DNAAF9: variants seen among roughly 807,000 people sequenced by gnomAD.
DNAAF9 encodes the protein shulin.
DNAAF9 carries 90 observed loss-of-function variants against 167.0 expected under a neutral mutation model. The observed-to-expected ratio is 0.54, with a 90% CI of 0.45 to 0.64. DNAAF9 has a LOEUF of 0.64. Among genes scored for constraint, DNAAF9 ranks in the 30% least tolerant of loss-of-function variants. The pLI, the probability that DNAAF9 is intolerant of heterozygous loss-of-function variation, is 0.00. For missense variants in DNAAF9, 1,315 were observed against 1,442.2 expected (o/e 0.91, Z 1.43); for synonymous variants, 491 against 508.8 (o/e 0.96, Z 0.47).
intron 10 of DNAAF9, among the ~76,000 whole-genome samples, chr20:3,333,183 T>C (rs1398846120): frequency 6.6e-6 from 1 of 152,198 alleles, no homozygotes; most frequent in African/African-American, 2.4e-5. Flanking sequence ...ATTTCATCTC[T>C]GTACATAGAC....
chr20:3,255,300 G>C lies in DNAAF9; in HGVS notation c.3262-16C>G. Reference sequence around the variant, plus strand: ...TCTGAGGCTTCTGCAGAGATGGGGAGTGGAGGGTCAGGTCCCAGCAGAACT... The same window carrying C: ...TCTGAGGCTTCTGCAGAGATGGGGACTGGAGGGTCAGGTCCCAGCAGAACT... On this transcript the variant is annotated splice_polypyrimidine_tract_variant and intron_variant, in intron 34 of 36. Transcript: ENST00000252032. The C allele has an allele frequency of 2.0e-6, 3 of 1,528,878 alleles. No homozygotes were observed. In the East Asian group the frequency reaches 7.4e-5, roughly 38 times the overall value. 94.7% of individuals were successfully genotyped at this position (1,528,878 alleles called of 1,614,324 possible).
In DNAAF9 at chr20:3,262,482, CTCA is replaced by C. The variant is rs201896513; in HGVS notation, c.2873+1953_2873+1955del. ...GCCAGGCTGATCTCGAACTCCTGAC[CTCA>C]TGGTCCACCTGCCTTGGCCTCCCAA... On this transcript the variant is annotated intron_variant, in intron 31 of 36. Transcript: ENST00000252032. Among the ~76,000 whole-genome samples, 1,369 of 152,230 alleles carry C rather than the reference CTCA, an allele frequency of 9.0e-3. 20 individuals carry two copies. Among genetic ancestry groups the C allele is most frequent in the African/African-American group, 0.032 (1,315 of 41,532 alleles).
intron 8 of DNAAF9, among the ~76,000 whole-genome samples, chr20:3,345,130 T>C (rs1161654851): frequency 2.0e-5 from 3 of 152,180 alleles, no homozygotes; most frequent in Admixed American, 2.0e-4. Flanking sequence ...GCAATTCTCC[T>C]GCCTTAGCCT....
At chr20:3,376,829 C>T (rs2083581931) in intron 3 of DNAAF9, among the ~76,000 whole-genome samples, 1 of 152,190 alleles carries the variant, frequency 6.6e-6, no homozygotes, top group Admixed American at 6.5e-5. Flanking sequence ...CTTTGGGAGG[C>T]TGAGGCGGAT....
In DNAAF9 at chr20:3,396,764, GA is replaced by G. The variant is rs920872156; in HGVS notation, c.83+10710del. Among the ~76,000 whole-genome samples the G allele has an allele frequency of 4.0e-5, 6 of 149,030 alleles. No homozygotes were observed. The South Asian group carries it at 8.5e-4, about 21-fold the overall frequency. ...GAAGAGAGTTGCAGGAGATGAAGAG[GA>G]AAAAAAAAACTATGTGTGTAGGGGG... On this transcript the variant is annotated intron_variant, in intron 1 of 36. Transcript: ENST00000252032.
intron 17 of DNAAF9, among the ~76,000 whole-genome samples, chr20:3,317,847 T>G (rs1381144733): frequency 6.6e-6 from 1 of 152,136 alleles, no homozygotes; most frequent in Non-Finnish European, 1.5e-5. Flanking sequence ...TTCGCCCACC[T>G]TGGGCTCCCA....
At position 3,340,738 on chromosome 20, in the gene DNAAF9, T is replaced by C. The variant is rs779567446; in HGVS notation, c.846-99A>G. 8.8e-6 allele frequency: 10 copies of C among 1,132,760 alleles called. No homozygotes were observed. The South Asian group carries it at 9.0e-5, about 10-fold the overall frequency. The allele number at this position is 1,132,760 out of a possible 1,614,324, so 70.2% of individuals were successfully genotyped here. The stretch of plus-strand genomic sequence containing the variant: ...GTCCTCAGGCTTTTCTGAGGGACAC[T>C]TGCGGCCTGAGCAAAGTGGTCAGTC... On this transcript the variant is annotated intron_variant, in intron 9 of 36. Coordinates refer to ENST00000252032, the MANE Select transcript of DNAAF9 (RefSeq NM_001009984.3).
In DNAAF9 at chr20:3,369,408, G is replaced by A. The variant is rs376473921; in HGVS notation, c.612+4640C>T. 2.8e-3 allele frequency among the ~76,000 whole-genome samples: 419 copies of A among 148,166 alleles called. 1 individual carries two copies. The highest frequency in any genetic ancestry group is 9.6e-3 in the African/African-American group (385 of 39,928). ...TTTTTTTTTTTTCAGATGGAGTCTC[G>A]CTCTTTCGCCCAGGCTGGAGTGTAG... On this transcript the variant is annotated intron_variant, in intron 6 of 36. Coordinates refer to ENST00000252032, the MANE Select transcript of DNAAF9 (RefSeq NM_001009984.3).
At chr20:3,340,388 G>A (rs2123110411) in intron 10 of DNAAF9, 116 bp downstream of exon 10, 1 of 813,950 alleles carries the variant, frequency 1.2e-6, no homozygotes, top group Non-Finnish European at 1.9e-6. Flanking sequence ...TTCAAATTCA[G>A]GGTTAAATCA....
At chr20:3,394,115 A>T (rs1600920447) in intron 1 of DNAAF9, among the ~76,000 whole-genome samples, 1 of 152,128 alleles carries the variant, frequency 6.6e-6, no homozygotes, top group Non-Finnish European at 1.5e-5. Context: ...AGGCAGGTGG[A>T]TCATCTGAGA....
chr20:3,265,504 G>A (rs1035426387), intron 30 of DNAAF9, among the ~76,000 whole-genome samples: 38 of 147,098 alleles, frequency 2.6e-4, no homozygotes, highest in Non-Finnish European at 2.8e-4. Flanking sequence ...GAGGTGGAGA[G>A]GTGGAGGTTG....
Position 3,277,664 on chromosome 20 carries a change from C to T in DNAAF9, c.2650+1248G>A, listed in dbSNP as rs6107269. On this transcript the variant is annotated intron_variant, in intron 29 of 36. Coordinates refer to ENST00000252032, the MANE Select transcript of DNAAF9 (RefSeq NM_001009984.3). ...TGTCACCAGATCCTATTGACCCAAC[C>T]TCCACAAAATCTCCTTAATCTACCT... 8.4e-3 allele frequency among the ~76,000 whole-genome samples: 1,279 copies of T among 152,128 alleles called. 22 individuals are homozygous for T. The highest frequency in any genetic ancestry group is 0.029 in the African/African-American group (1,206 of 41,506).
chr20:3,375,166 A>C (rs1287268606), intron 4 of DNAAF9, 40 bp from the exon 5 acceptor site: 2 of 1,171,366 alleles, frequency 1.7e-6, no homozygotes, highest in African/African-American at 3.0e-5. Context: ...CTCTGATGAG[A>C]TATCACACAA....
At chr20:3,301,609 T>A (rs1413242756) in intron 21 of DNAAF9, among the ~76,000 whole-genome samples, 1 of 152,238 alleles carries the variant, frequency 6.6e-6, no homozygotes, top group Non-Finnish European at 1.5e-5. Flanking sequence ...CAGCTTGACA[T>A]GAGCTATTCC....
chr20:3,380,735 C>T (rs1216413796), intron 3 of DNAAF9, among the ~76,000 whole-genome samples: 1 of 152,202 alleles, frequency 6.6e-6, no homozygotes, highest in African/African-American at 2.4e-5. Flanking sequence ...TTTGTCTATT[C>T]CAGTGTCTCC....
chr20:3,350,400 CA>C (rs61181387), intron 7 of DNAAF9, among the ~76,000 whole-genome samples: 82 of 148,194 alleles, frequency 5.5e-4, no homozygotes, highest in African/African-American at 8.7e-4. Context: ...TAGGATAAAA[CA>C]AAAAAAAATG....
intron 8 of DNAAF9, among the ~76,000 whole-genome samples, chr20:3,346,740 A>G (rs2070201086): frequency 6.6e-6 from 1 of 152,152 alleles, no homozygotes; most frequent in Non-Finnish European, 1.5e-5. Flanking sequence ...GAAGAAGGCA[A>G]TAAGAAAAGA....
chr20:3,314,908 G>GA (rs2069476175), intron 20 of DNAAF9, 125 bp downstream of exon 20: 3 of 653,298 alleles, frequency 4.6e-6, no homozygotes, highest in Non-Finnish European at 8.3e-6. Context: ...AAAGCTGTAG[G>GA]AAAACATTTC....
intron 20 of DNAAF9, among the ~76,000 whole-genome samples, 193 bp from the exon 21 acceptor site, chr20:3,304,736 T>A (rs1440636267): frequency 1.3e-5 from 2 of 152,170 alleles, no homozygotes; most frequent in African/African-American, 2.4e-5. Context: ...AAATGAGGCA[T>A]CAGATGCAGT....
Sources: allele counts gnomAD v4.1 joint callset (sites outside exome capture counted in the v4.1 genomes callset), GRCh38; gene constraint gnomAD v4.1.1; transcripts MANE v1.5; gene names NCBI Gene and HGNC (gene_info 2026-07-23, HGNC 2026-07-21).